The following RAB7A variants were observed in gnomAD, a reference collection of about 807,000 sequenced individuals.
RAB7A encodes RAB7A, member RAS oncogene family.
In RAB7A, 2 loss-of-function variants were observed where a neutral mutation model predicts 24.5. The ratio of observed to expected loss-of-function variants is 0.08; its 90% CI spans 0.03 to 0.26. RAB7A has a LOEUF of 0.26. Ranked by LOEUF, RAB7A falls within the 10% of genes least tolerant of loss-of-function variation. RAB7A has a pLI of 1.00. For synonymous variants in RAB7A, 100 were observed against 95.9 expected, an observed-to-expected ratio of 1.04 and a Z score of -0.25; for missense variants, 118 against 255.7, an observed-to-expected ratio of 0.46 and a Z score of 3.67.
rs545153683 is a variant in RAB7A, at chr3:128,758,609, A to G, written c.-9+32250A>G. 2.0e-5 allele frequency among the ~76,000 whole-genome samples: 3 copies of G among 152,198 alleles called. No homozygotes were observed. In the East Asian group the frequency reaches 5.8e-4, roughly 29 times the overall value. ...TGGTTTTTTAATTCTGCTTGTTTGT[A>G]GTGACATTCATCAAGAATGAATGAC... On this transcript the variant is annotated intron_variant, in intron 1 of 5. Coordinates refer to ENST00000265062, the MANE Select transcript of RAB7A (RefSeq NM_004637.6).
chr3:128,770,835 AT>A (rs201876858), intron 1 of RAB7A, among the ~76,000 whole-genome samples: 2,452 of 150,204 alleles, frequency 0.016, 46 homozygotes, highest in East Asian at 0.051. Context: ...AGTGTAAATG[AT>A]TTTTTTTTTA....
intron 1 of RAB7A, 40 bp from the exon 2 acceptor site, chr3:128,795,320 T>A: frequency 6.5e-7 from 1 of 1,549,608 alleles, no homozygotes; most frequent in Non-Finnish European, 8.9e-7. Context: ...TTTTGGTGTT[T>A]CCATCACACT....
intron 1 of RAB7A, among the ~76,000 whole-genome samples, chr3:128,772,755 G>C (rs1053497842): frequency 6.6e-6 from 1 of 152,256 alleles, no homozygotes; most frequent in Non-Finnish European, 1.5e-5. Context: ...ACGCCTAACT[G>C]GTTTTCATAT....
chr3:128,756,795 C>T (rs548022091), intron 1 of RAB7A, among the ~76,000 whole-genome samples: 17 of 151,626 alleles, frequency 1.1e-4, no homozygotes, highest in South Asian at 8.3e-4. Context: ...TGGTAATGGC[C>T]GAGGTTCATA....
chr3:128,754,135 G>GGT (rs2070710139), intron 1 of RAB7A, among the ~76,000 whole-genome samples: 5 of 152,038 alleles, frequency 3.3e-5, no homozygotes, highest in Admixed American at 3.3e-4. Context: ...GTCTGATAAA[G>GGT]GTAAATACAT....
chr3:128,765,048 G>T, intron 1 of RAB7A: 1 of 1,231,822 alleles, frequency 8.1e-7, no homozygotes, highest in Non-Finnish European at 1.2e-6. Context: ...GGCGGCGGTG[G>T]CTGCGCGGCG....
Position 128,769,145 on chromosome 3 carries a change from C to CT in RAB7A, c.-8-26214dup, listed in dbSNP as rs1221327635. On this transcript the variant is annotated intron_variant, in intron 1 of 5. Transcript: ENST00000265062. ...CTGGGCTCAAGTGATTTGCCTGTCT[C>CT]TGCTTCCCAGAGTGCTGGGATTACA... 6.6e-5 allele frequency among the ~76,000 whole-genome samples: 10 copies of CT among 151,776 alleles called. No individual in the cohort carries two copies. The East Asian group carries it at 1.9e-3, about 29-fold the overall frequency.
intron 1 of RAB7A, among the ~76,000 whole-genome samples, chr3:128,759,655 T>C (rs777352610): frequency 6.6e-6 from 1 of 152,214 alleles, no homozygotes; most frequent in Non-Finnish European, 1.5e-5. Flanking sequence ...CACCCCATGG[T>C]ACCTGAACCT....
At chr3:128,793,846 A>G (rs1933512943) in intron 1 of RAB7A, among the ~76,000 whole-genome samples, 1 of 152,214 alleles carries the variant, frequency 6.6e-6, no homozygotes, top group African/African-American at 2.4e-5. Flanking sequence ...AGCCATGGGC[A>G]TGAGGCTTTT....
intron 1 of RAB7A, among the ~76,000 whole-genome samples, chr3:128,756,521 A>G (rs772696010): frequency 1.3e-5 from 2 of 152,218 alleles, no homozygotes; most frequent in Non-Finnish European, 2.9e-5. Context: ...ACTTTAATAA[A>G]TGGAAAGGTA....
Position 128,795,217 on chromosome 3 carries a change from G to C in RAB7A, c.-8-143G>C. 4 of 742,964 alleles carry C rather than the reference G, an allele frequency of 5.4e-6. No individual in the cohort carries two copies. The South Asian group carries it at 5.9e-5, about 11-fold the overall frequency. 46.0% of individuals were successfully genotyped at this position (742,964 alleles called of 1,614,324 possible). On this transcript the variant is annotated intron_variant, in intron 1 of 5. Transcript: ENST00000265062. ...TGGTGAGTGATACTGTTTTTTATCA[G>C]TGCCCCCTGGTGGAAGGAAGATACC...
chr3:128,761,032 CAA>C (rs1009295532), intron 1 of RAB7A, among the ~76,000 whole-genome samples: 12 of 152,126 alleles, frequency 7.9e-5, no homozygotes, highest in African/African-American at 1.7e-4. Flanking sequence ...TAAGTAGAAA[CAA>C]GAGTACCAAG....
At chr3:128,758,417 C>G (rs983816342) in intron 1 of RAB7A, among the ~76,000 whole-genome samples, 2 of 151,212 alleles carry the variant, frequency 1.3e-5, no homozygotes, top group East Asian at 3.9e-4. Context: ...GGACTACAGG[C>G]GCCCGCCACT....
At chr3:128,727,672 C>T (rs2070394412) in intron 1 of RAB7A, among the ~76,000 whole-genome samples, 1 of 152,230 alleles carries the variant, frequency 6.6e-6, no homozygotes, top group Non-Finnish European at 1.5e-5. Context: ...TAGTTGATGG[C>T]TGTCCAGCCG....
intron 1 of RAB7A, among the ~76,000 whole-genome samples, chr3:128,737,000 T>C (rs1355823771): frequency 6.6e-6 from 1 of 151,978 alleles, no homozygotes; most frequent in East Asian, 1.9e-4. Flanking sequence ...GTGTTGCCCG[T>C]CTTTACTCAC....
intron 1 of RAB7A, among the ~76,000 whole-genome samples, chr3:128,768,547 C>CCT (rs1427489313): frequency 6.8e-6 from 1 of 147,976 alleles, no homozygotes; most frequent in Non-Finnish European, 1.5e-5. Context: ...GTAAAGTGTG[C>CCT]GTGTTTTGTT....
chr3:128,784,104 C>T (rs1933278286), intron 1 of RAB7A, among the ~76,000 whole-genome samples: 1 of 152,334 alleles, frequency 6.6e-6, no homozygotes, highest in Non-Finnish European at 1.5e-5. Flanking sequence ...AATCCTAGCA[C>T]AAACTAGTAT....
intron 1 of RAB7A, among the ~76,000 whole-genome samples, chr3:128,742,951 A>G (rs1288098706): frequency 1.3e-5 from 2 of 152,142 alleles, no homozygotes; most frequent in East Asian, 1.9e-4. Flanking sequence ...TGGGCTGCCG[A>G]TGGGACCAGG....
rs557708453 is a variant in RAB7A, at chr3:128,737,130, C to T, written c.-9+10771C>T. Among the ~76,000 whole-genome samples the T allele has an allele frequency of 6.0e-5, 9 of 150,352 alleles. No homozygotes were observed. In the East Asian group the frequency reaches 1.4e-3, roughly 23 times the overall value. ...TTGGCTCACTGCAAGCTCCACCTTCCGGGTTCACGCCCTTCTCCTGCCTCA... is the reference window on the plus strand; with the variant it reads ...TTGGCTCACTGCAAGCTCCACCTTCTGGGTTCACGCCCTTCTCCTGCCTCA... On this transcript the variant is annotated intron_variant, in intron 1 of 5. Transcript: ENST00000265062.
Sources: gnomAD v4.1 joint callset for allele counts (sites outside exome capture counted in the v4.1 genomes callset) on GRCh38, gnomAD v4.1.1 for gene constraint, MANE v1.5 for transcripts, NCBI Gene and HGNC (gene_info 2026-07-23, HGNC 2026-07-21) for gene names.